The following PTPRF variants were observed in gnomAD, a reference collection of about 807,000 sequenced individuals.
The protein encoded by PTPRF is protein tyrosine phosphatase receptor type F.
PTPRF carries 59 observed loss-of-function variants against 201.8 expected under a neutral mutation model. That is an observed-to-expected ratio of 0.29 (90% CI 0.24 to 0.36). The LOEUF is 0.36. Among genes scored for constraint, PTPRF ranks in the 10% least tolerant of loss-of-function variants. PTPRF has a pLI of 1.00. For synonymous variants in PTPRF, 1,088 were observed against 1,089.7 expected (o/e 1.00, Z 0.03); for missense variants, 2,132 against 2,690.5 (o/e 0.79, Z 4.59).
chr1:43,621,342 C>T, intron 33 of PTPRF, 110 bp downstream of exon 33: 1 of 1,408,910 alleles, frequency 7.1e-7, no homozygotes, highest in Non-Finnish European at 9.6e-7. Context: ...TTCATGCTGC[C>T]AACCTTTCAC....
chr1:43,523,123 A>G (rs1643003344), upstream of PTPRF, among the ~76,000 whole-genome samples: 1 of 152,158 alleles, frequency 6.6e-6, no homozygotes, highest in African/African-American at 2.4e-5. Flanking sequence ...TTGCCTATAG[A>G]TGGACAGTGG....
chr1:43,604,224 G>A (rs376348875), intron 16 of PTPRF, 35 bp downstream of exon 16: 89 of 1,593,912 alleles, frequency 5.6e-5, no homozygotes, highest in Non-Finnish European at 7.3e-5. Flanking sequence ...CTTCCCGAGT[G>A]TGGCTGCATC....
intron 11 of PTPRF, among the ~76,000 whole-genome samples, chr1:43,597,287 CTG>C (rs1260227086): frequency 1.3e-4 from 19 of 151,794 alleles, no homozygotes; most frequent in Non-Finnish European, 7.4e-5. Flanking sequence ...ATGTGTGACA[CTG>C]TATATGACAC....
intron 3 of PTPRF, among the ~76,000 whole-genome samples, chr1:43,549,577 G>A (rs1449328743): frequency 6.6e-6 from 1 of 152,186 alleles, no homozygotes; most frequent in South Asian, 2.1e-4. Context: ...TAAAGAAGCC[G>A]GGTGTGGTGG....
Position 43,591,958 on chromosome 1 carries a change from G to T in PTPRF, c.1668+10G>T. 1 of 1,613,234 alleles carries T rather than the reference G, an allele frequency of 6.2e-7. No individual in the cohort carries two copies. Among genetic ancestry groups the T allele is most frequent in the Non-Finnish European group, 8.5e-7 (1 of 1,179,682 alleles). On this transcript the variant is annotated intron_variant, in intron 10 of 33. Coordinates refer to ENST00000359947, the MANE Select transcript of PTPRF (RefSeq NM_002840.5). ...GGACGAAGACCAACAGGTGTGCAGC[G>T]GGCAGAGAAGCACTGAGGGGGTCTC...
At chr1:43,574,243 G>A (rs1205574226) in intron 6 of PTPRF, among the ~76,000 whole-genome samples, 4 of 151,856 alleles carry the variant, frequency 2.6e-5, no homozygotes, top group African/African-American at 7.3e-5. Flanking sequence ...TGATCCGCCC[G>A]CCTCAGCCTC....
intron 2 of PTPRF, among the ~76,000 whole-genome samples, chr1:43,543,318 C>T (rs752934966): frequency 6.6e-6 from 1 of 152,226 alleles, no homozygotes; most frequent in Non-Finnish European, 1.5e-5. Flanking sequence ...CCCACTGTGG[C>T]CTTGCAGGCG....
intron 3 of PTPRF, among the ~76,000 whole-genome samples, chr1:43,551,081 G>T (rs1165128398): frequency 6.6e-6 from 1 of 152,184 alleles, no homozygotes; most frequent in Non-Finnish European, 1.5e-5. Flanking sequence ...GGGGTGTCGG[G>T]GGAGGCTGTC....
At chr1:43,585,623 G>A (rs982917594) in intron 7 of PTPRF, among the ~76,000 whole-genome samples, 2 of 152,162 alleles carry the variant, frequency 1.3e-5, no homozygotes, top group African/African-American at 2.4e-5. Context: ...TCTGTGAAGC[G>A]CCTCAATTTC....
chr1:43,575,414 G>A (rs559082632), intron 6 of PTPRF, among the ~76,000 whole-genome samples: 1 of 152,326 alleles, frequency 6.6e-6, no homozygotes, highest in Non-Finnish European at 1.5e-5. Context: ...TGGGCTGCGT[G>A]TTGTGGGAGG....
At position 43,612,884 on chromosome 1, in the gene PTPRF, C is replaced by T. The variant is rs1266245619; in HGVS notation, c.3974-734C>T. ...TCCTTACTTTTGTTTACCCCATCGC[C>T]TCCATCCTTCCTTGAATTCTTCTCT... is the stretch of plus-strand genomic sequence containing the variant. On this transcript the variant is annotated intron_variant, in intron 22 of 33. Transcript: ENST00000359947. 14 of 1,136,940 alleles carry T rather than the reference C, an allele frequency of 1.2e-5. No homozygotes were observed. In the East Asian group the frequency reaches 3.0e-4, roughly 25 times the overall value. The allele number at this position is 1,136,940 out of a possible 1,614,324, so 70.4% of individuals were successfully genotyped here.
At chr1:43,612,630 C>T (rs1656726331) in intron 22 of PTPRF, 4 of 637,550 alleles carry the variant, frequency 6.3e-6, no homozygotes, top group Admixed American at 5.3e-5. Flanking sequence ...CCGCCCCCTC[C>T]TCTTCTCCGC....
intron 6 of PTPRF, among the ~76,000 whole-genome samples, chr1:43,576,190 C>T (rs960617022): frequency 7.2e-5 from 11 of 152,238 alleles, no homozygotes; most frequent in African/African-American, 2.7e-4. Flanking sequence ...GCTGCCCAGG[C>T]CTTCCAGGCC....
In PTPRF at chr1:43,597,781, T is replaced by C. The variant is rs1160451856; in HGVS notation, c.1847T>C (p.Val616Ala). ...PSAPPQKVMC[V>A]SMGSTTVRVS... is the part of the protein sequence containing the mutation. ...GCCCCTCCCCAGAAGGTGATGTGTGTGAGCATGGGCTCCACCACGGTCCGG... is the reference window on the plus strand; with the variant it reads ...GCCCCTCCCCAGAAGGTGATGTGTGCGAGCATGGGCTCCACCACGGTCCGG... The change falls in exon 12 of 34, where the codon GTG becomes GCG. Residue 616 changes from valine (V) to alanine (A), a missense_variant. Physicochemically the swap from Val to Ala is moderately conservative, Grantham distance 64 (BLOSUM62 0). This residue lies in a region of PTPRF where 125 missense variants were observed against 211.9 expected (regional missense o/e 0.59). Coordinates refer to ENST00000359947, the MANE Select transcript of PTPRF (RefSeq NM_002840.5). 1.2e-6 allele frequency: 2 copies of C among 1,603,478 alleles called. No individual in the cohort carries two copies. Among genetic ancestry groups the C allele is most frequent in the Admixed American group, 3.4e-5 (2 of 58,890 alleles).
chr1:43,525,904 C>T (rs573138582), upstream of PTPRF, among the ~76,000 whole-genome samples: 74 of 149,052 alleles, frequency 5.0e-4, no homozygotes, highest in African/African-American at 1.8e-3. Context: ...GGAATAGAGG[C>T]GTCCTGTAGA....
rs1649617164 is a variant in PTPRF, at chr1:43,588,038, C to G, written c.680-693C>G. Reference sequence around the variant, plus strand: ...GCCCTCATCATGTTACTGCCATCGTCATGCCCATCCTGCCCGCAGACCATG... The same window carrying G: ...GCCCTCATCATGTTACTGCCATCGTGATGCCCATCCTGCCCGCAGACCATG... On this transcript the variant is annotated intron_variant, in intron 7 of 33. Transcript: ENST00000359947. The surrounding 1 kb of genome is among the most constrained non-coding windows in gnomAD (Gnocchi z 5.3). Among the ~76,000 whole-genome samples the G allele has an allele frequency of 6.6e-6, 1 of 152,216 alleles. No individual in the cohort carries two copies. Among genetic ancestry groups the G allele is most frequent in the Admixed American group, 6.5e-5 (1 of 15,288 alleles).
In PTPRF at chr1:43,553,672, A is replaced by G. The variant is rs778848806; in HGVS notation, c.237+35A>G. On this transcript the variant is annotated intron_variant, in intron 4 of 33. Coordinates refer to ENST00000359947, the MANE Select transcript of PTPRF (RefSeq NM_002840.5). The surrounding 1 kb of genome is among the most constrained non-coding windows in gnomAD (Gnocchi z 4.1). ...TGGTGGGAAGGGGTCGGCAGGGCTCAGGGTCTGCCCACACTCTCTCCTTTC... is the reference window on the plus strand; with the variant it reads ...TGGTGGGAAGGGGTCGGCAGGGCTCGGGGTCTGCCCACACTCTCTCCTTTC... 6.2e-7 allele frequency: 1 copy of G among 1,612,782 alleles called. No homozygotes were observed. Among genetic ancestry groups the G allele is most frequent in the Admixed American group, 1.7e-5 (1 of 60,000 alleles).
intron 30 of PTPRF, 94 bp from the exon 31 acceptor site, chr1:43,620,360 T>C (rs371285433): frequency 6.6e-7 from 1 of 1,519,312 alleles, no homozygotes; most frequent in Non-Finnish European, 9.0e-7. Context: ...CCGTTATTAC[T>C]ACCTGAGGCA....
intron 7 of PTPRF, chr1:43,579,429 C>A (rs1411275219): frequency 5.7e-6 from 2 of 352,726 alleles, no homozygotes; most frequent in Admixed American, 7.6e-5. Flanking sequence ...ATCCTCTGGC[C>A]AGGTCTTCCT....
Sources: gnomAD v4.1 joint callset for allele counts (sites outside exome capture counted in the v4.1 genomes callset) on GRCh38, gnomAD v4.1.1 for gene constraint, gnomAD v4.1.1 regional missense constraint, Gnocchi (gnomAD v3.1) non-coding constraint, MANE v1.5 for transcripts, NCBI Gene and HGNC (gene_info 2026-07-23, HGNC 2026-07-21) for gene names.